The following C8orf74 variants were observed in gnomAD, a reference collection of about 807,000 sequenced individuals.
C8orf74 encodes the protein uncharacterized protein C8orf74.
Under a neutral mutation model 22.2 loss-of-function variants are expected in C8orf74, and 29 were observed. That is an observed-to-expected ratio of 1.31 (90% CI 0.97 to 1.78). The LOEUF (loss-of-function observed/expected upper bound fraction) is 1.78, where lower values mean the gene tolerates loss of function less well. C8orf74 is among the 40% of genes most tolerant of loss of function. The pLI, the probability that C8orf74 is intolerant of heterozygous loss-of-function variation, is 0.00. For synonymous variants in C8orf74, 255 were observed against 163.1 expected (o/e 1.56, Z -4.30); for missense variants, 515 against 369.9 (o/e 1.39, Z -3.22).
intron 2 of C8orf74, among the ~76,000 whole-genome samples, chr8:10,677,230 G>C (rs556337153): frequency 4.8e-4 from 73 of 152,202 alleles, no homozygotes; most frequent in African/African-American, 1.7e-3. Flanking sequence ...GTCCTTTCTT[G>C]TATCTAGCCT....
chr8:10,696,977 A>G, intron 2 of C8orf74, among the ~76,000 whole-genome samples: 1 of 148,274 alleles, frequency 6.7e-6, no homozygotes, highest in African/African-American at 2.6e-5. Flanking sequence ...AAAAAAAGAC[A>G]AAATACTGGT....
rs576723315 is a variant in C8orf74, at chr8:10,700,533, G to A, written c.*62G>A. ...AGCCACCCATAACCATGAGCCTTGC[G>A]GCACGGTGAGCTCAGCACCCACAGA... On this transcript the variant is annotated 3_prime_UTR_variant, in exon 4 of 4. Coordinates refer to ENST00000304519, the MANE Select transcript of C8orf74 (RefSeq NM_001040032.2). 50 of 1,064,352 alleles carry A rather than the reference G, an allele frequency of 4.7e-5. No individual in the cohort carries two copies. Among genetic ancestry groups the A allele is most frequent in the South Asian group, 2.8e-4 (16 of 58,162 alleles). The allele number at this position is 1,064,352 out of a possible 1,614,324, so 65.9% of individuals were successfully genotyped here.
At chr8:10,695,710 G>A (rs947217473) in intron 2 of C8orf74, among the ~76,000 whole-genome samples, 1 of 152,142 alleles carries the variant, frequency 6.6e-6, no homozygotes, top group African/African-American at 2.4e-5. Context: ...AGTCCCTGCT[G>A]AAGGGGCATG....
rs187758995 is a variant in C8orf74, at chr8:10,685,263, G to A, written c.241+10425G>A. On this transcript the variant is annotated intron_variant, in intron 2 of 3. Transcript: ENST00000304519. ...TCTTCAAAAAAGCAACCATGGAAGTGGCATATGATTCAACAATGGCTTCTC... is the reference window on the plus strand; with the variant it reads ...TCTTCAAAAAAGCAACCATGGAAGTAGCATATGATTCAACAATGGCTTCTC... 2.8e-3 allele frequency among the ~76,000 whole-genome samples: 434 copies of A among 152,326 alleles called. 1 individual carries two copies. Among genetic ancestry groups the A allele is most frequent in the Non-Finnish European group, 4.9e-3 (331 of 68,034 alleles).
chr8:10,680,154 C>T (rs959448903), intron 2 of C8orf74, among the ~76,000 whole-genome samples: 6 of 152,216 alleles, frequency 3.9e-5, no homozygotes, highest in African/African-American at 1.4e-4. Context: ...GGTCTTGCCC[C>T]AGTGACGCTC....
At chr8:10,698,099 C>T in intron 3 of C8orf74, 94 bp downstream of exon 3, 1 of 1,243,572 alleles carries the variant, frequency 8.0e-7, no homozygotes, top group Non-Finnish European at 1.1e-6. Context: ...TCCTCAGTGG[C>T]ACACAGGGGA....
At chr8:10,695,754 G>C (rs372051418) in intron 2 of C8orf74, among the ~76,000 whole-genome samples, 1 of 152,276 alleles carries the variant, frequency 6.6e-6, no homozygotes, top group African/African-American at 2.4e-5. Flanking sequence ...AAACCGCATA[G>C]GGCCCCATGG....
intron 2 of C8orf74, among the ~76,000 whole-genome samples, chr8:10,681,877 G>T (rs114441426): frequency 1.3e-5 from 2 of 152,128 alleles, no homozygotes; most frequent in Admixed American, 6.5e-5. Flanking sequence ...GGCATCTGCA[G>T]TTCCACCCAT....
intron 2 of C8orf74, chr8:10,691,251 T>A (rs1431056440): frequency 3.9e-6 from 1 of 255,206 alleles, no homozygotes; most frequent in Non-Finnish European, 8.1e-6. Flanking sequence ...TCACAGCCCA[T>A]GGCCACAGTG....
intron 2 of C8orf74, chr8:10,691,227 C>T: frequency 3.3e-6 from 1 of 306,686 alleles, no homozygotes; most frequent in Non-Finnish European, 6.5e-6. Context: ...TTTGTATGAC[C>T]TCTTAGGAGC....
intron 2 of C8orf74, among the ~76,000 whole-genome samples, chr8:10,680,794 G>C (rs1363914931): frequency 6.6e-6 from 1 of 152,190 alleles, no homozygotes; most frequent in Non-Finnish European, 1.5e-5. Context: ...GGCAGAAAGA[G>C]CTGGCGTAGC....
intron 2 of C8orf74, chr8:10,689,602 C>T (rs995732707): frequency 7.9e-5 from 12 of 152,196 alleles, no homozygotes; most frequent in Non-Finnish European, 1.5e-4. Flanking sequence ...CGGTTGAAAA[C>T]CCATGTGTAA....
chr8:10,698,732 T>C (rs1477611916), intron 3 of C8orf74, among the ~76,000 whole-genome samples: 1 of 152,172 alleles, frequency 6.6e-6, no homozygotes, highest in Non-Finnish European at 1.5e-5. Flanking sequence ...TCTCTGAACA[T>C]ACTTTGAGAG....
intron 2 of C8orf74, among the ~76,000 whole-genome samples, chr8:10,677,202 C>A (rs886779968): frequency 6.6e-6 from 1 of 152,116 alleles, no homozygotes; most frequent in Non-Finnish European, 1.5e-5. Context: ...CTTACATGAC[C>A]ACACTCATCA....
chr8:10,678,971 C>T (rs911939766), intron 2 of C8orf74, among the ~76,000 whole-genome samples: 6 of 152,164 alleles, frequency 3.9e-5, no homozygotes, highest in African/African-American at 1.2e-4. Flanking sequence ...CCCCAGATGC[C>T]GAGGGTAGAA....
chr8:10,680,022 T>G (rs1799115152), intron 2 of C8orf74: 1 of 152,580 alleles, frequency 6.6e-6, no homozygotes, highest in Non-Finnish European at 1.5e-5. Context: ...TGCTGAGCGA[T>G]GCATATGGCA....
In C8orf74 at chr8:10,691,544, T is replaced by G. The variant is rs538232674; in HGVS notation, c.242-6055T>G. Reference sequence around the variant, plus strand: ...AGTTCAGAGAAGGTGTGATGAGTCATCTGATGAAGCTCACACACTGTCGCA... The same window carrying G: ...AGTTCAGAGAAGGTGTGATGAGTCAGCTGATGAAGCTCACACACTGTCGCA... On this transcript the variant is annotated intron_variant, in intron 2 of 3. Transcript: ENST00000304519. 9.6e-4 allele frequency: 149 copies of G among 154,564 alleles called. 1 individual carries two copies. The highest frequency in any genetic ancestry group is 3.4e-3 in the Middle Eastern group (1 of 296). 9.6% of individuals were successfully genotyped at this position (154,564 alleles called of 1,614,324 possible).
intron 2 of C8orf74, among the ~76,000 whole-genome samples, chr8:10,681,591 T>C (rs1799149883): frequency 6.6e-6 from 1 of 152,180 alleles, no homozygotes; most frequent in African/African-American, 2.4e-5. Flanking sequence ...GGCAGGAAAC[T>C]GAGCCTGGAG....
At chr8:10,697,191 T>G (rs1262583602) in intron 2 of C8orf74, among the ~76,000 whole-genome samples, 3 of 152,156 alleles carry the variant, frequency 2.0e-5, no homozygotes, top group Non-Finnish European at 4.4e-5. Flanking sequence ...GTAATTCCAG[T>G]ACTTTAGGAG....
Sources: allele counts gnomAD v4.1 joint callset (sites outside exome capture counted in the v4.1 genomes callset), GRCh38; gene constraint gnomAD v4.1.1; transcripts MANE v1.5; gene names NCBI Gene and HGNC (gene_info 2026-07-23, HGNC 2026-07-21).